RIC3: variants seen among roughly 807,000 people sequenced by gnomAD.
The protein encoded by RIC3 is protein RIC-3.
A neutral mutation model predicts 27.3 loss-of-function variants in RIC3; 28 were observed. The observed-to-expected ratio is 1.02, with a 90% CI of 0.76 to 1.41. The LOEUF (loss-of-function observed/expected upper bound fraction) is 1.41. Ranked by LOEUF, RIC3 falls within the 40% of genes most tolerant of loss-of-function variation. RIC3 has a pLI of 0.00. For missense variants in RIC3, 501 were observed against 444.7 expected, an observed-to-expected ratio of 1.13 and a Z score of -1.14; for synonymous variants, 184 against 160.4, an observed-to-expected ratio of 1.15 and a Z score of -1.11.
intron 4 of RIC3, among the ~76,000 whole-genome samples, chr11:8,128,875 C>T (rs1947326060): frequency 1.3e-5 from 2 of 151,638 alleles, no homozygotes; most frequent in African/African-American, 4.9e-5. Flanking sequence ...CTGCCTCAGC[C>T]TCCCGCATAG....
At position 8,106,119 on chromosome 11, in the gene RIC3, T is replaced by TATTTA. The variant is rs1944607228; in HGVS notation, c.*4574_*4578dup. 6.6e-6 allele frequency: 1 copy of TATTTA among 152,264 alleles called. No individual in the cohort carries two copies. Among genetic ancestry groups the TATTTA allele is most frequent in the South Asian group, 2.1e-4 (1 of 4,838 alleles). 9.4% of individuals were successfully genotyped at this position (152,264 alleles called of 1,614,324 possible). ...TTTGGTATTCTGGAGCAAATGTATT[T>TATTTA]ATTTATTGGTATGTGCAATGACAAA... is the stretch of plus-strand genomic sequence containing the variant. On this transcript the variant is annotated 3_prime_UTR_variant, in exon 6 of 6. Coordinates refer to ENST00000309737, the MANE Select transcript of RIC3 (RefSeq NM_001206671.4).
intron 1 of RIC3, among the ~76,000 whole-genome samples, chr11:8,149,556 G>A (rs183977213): frequency 2.6e-5 from 4 of 152,130 alleles, no homozygotes; most frequent in East Asian, 3.9e-4. Flanking sequence ...CTGGGAAAAC[G>A]TCAAAAAGGC....
At chr11:8,102,504 C>G (rs1037090456), downstream of RIC3, 1 of 152,256 alleles carries the variant, frequency 6.6e-6, no homozygotes, top group Non-Finnish European at 1.5e-5. Context: ...AAATGGGGTC[C>G]AGGTCACCAG....
At chr11:8,143,828 G>C (rs574221209) in intron 1 of RIC3, among the ~76,000 whole-genome samples, 5 of 152,252 alleles carry the variant, frequency 3.3e-5, no homozygotes, top group South Asian at 4.2e-4. Flanking sequence ...TACCAAAACA[G>C]AGATATAGAT....
chr11:8,098,909 A>T, the RIC3 span: 1 of 1,493,184 alleles, frequency 6.7e-7, no homozygotes, highest in Non-Finnish European at 9.3e-7. Flanking sequence ...CTGATTTCCA[A>T]GGTAGATATG....
At chr11:8,134,003 T>TA (rs1430871061) in intron 4 of RIC3, among the ~76,000 whole-genome samples, 1 of 151,626 alleles carries the variant, frequency 6.6e-6, no homozygotes, top group Non-Finnish European at 1.5e-5. Flanking sequence ...AATATATATA[T>TA]TTTTTATTAT....
chr11:8,137,302 G>A (rs1948534367), intron 4 of RIC3, 76 bp downstream of exon 4: 2 of 1,311,438 alleles, frequency 1.5e-6, no homozygotes, highest in Non-Finnish European at 2.2e-6. Context: ...GGGATTAGAG[G>A]CCTCGGCCAC....
rs1190733938 is a variant in RIC3 at position 8,109,562 on chromosome 11, CT to C, written c.*1135del. Reference sequence around the variant, plus strand: ...AGTATGGAACACATGGTCTCTACCCCTGGGCACTGCTATATTGGTTCTCTGC... The same window carrying C: ...AGTATGGAACACATGGTCTCTACCCCGGGCACTGCTATATTGGTTCTCTGC... On this transcript the variant is annotated 3_prime_UTR_variant, in exon 6 of 6. Transcript: ENST00000309737. The C allele has an allele frequency of 6.6e-6, 1 of 152,134 alleles. No individual in the cohort carries two copies. Among genetic ancestry groups the C allele is most frequent in the African/African-American group, 2.4e-5 (1 of 41,426 alleles). The allele number at this position is 152,134 out of a possible 1,614,324, so 9.4% of individuals were successfully genotyped here. A position where few individuals can be genotyped will look rare whatever the true frequency, so the allele number is the denominator to read the frequency against.
At chr11:8,168,789 G>A (rs1211198316) in intron 1 of RIC3, 77 bp downstream of exon 1, 4 of 1,537,912 alleles carry the variant, frequency 2.6e-6, no homozygotes, top group Non-Finnish European at 2.6e-6. Flanking sequence ...CAGACTCTCA[G>A]AGTCACCCCT....
downstream of RIC3, chr11:8,105,532 G>A (rs1944527407): frequency 6.6e-6 from 1 of 152,162 alleles, no homozygotes; most frequent in Non-Finnish European, 1.5e-5. Context: ...AGGCAAGTTG[G>A]TCTTATAGAA....
At chr11:8,144,619 T>C (rs1949471176) in intron 1 of RIC3, among the ~76,000 whole-genome samples, 1 of 152,060 alleles carries the variant, frequency 6.6e-6, no homozygotes, top group African/African-American at 2.4e-5. Flanking sequence ...GAAGTCAGTG[T>C]GGTGATTCCT....
intron 5 of RIC3, among the ~76,000 whole-genome samples, chr11:8,111,648 C>A (rs1945276258): frequency 1.3e-5 from 2 of 152,100 alleles, no homozygotes; most frequent in South Asian, 4.1e-4. Flanking sequence ...TTGCAAGTGT[C>A]AAAAATAGAG....
intron 5 of RIC3, among the ~76,000 whole-genome samples, chr11:8,114,321 CG>C (rs1945603437): frequency 6.6e-6 from 1 of 151,962 alleles, no homozygotes; most frequent in Non-Finnish European, 1.5e-5. Context: ...AATGAAGATA[CG>C]GCCGGGCGTG....
chr11:8,137,558 ACTGT>A (rs1323597833), intron 3 of RIC3, 87 bp from the exon 4 acceptor site: 12 of 921,370 alleles, frequency 1.3e-5, no homozygotes, highest in Admixed American at 1.3e-4. Context: ...AAGCTATTGT[ACTGT>A]CTAACTTCCC....
intron 4 of RIC3, among the ~76,000 whole-genome samples, chr11:8,127,804 G>A (rs950027450): frequency 6.6e-6 from 1 of 152,150 alleles, no homozygotes; most frequent in Non-Finnish European, 1.5e-5. Context: ...GGAGATGGTC[G>A]TCTATTTTTC....
rs112848789 is a variant in RIC3, at chr11:8,137,361, G to C, written c.521+17C>G. On this transcript the variant is annotated intron_variant, in intron 4 of 5. Transcript: ENST00000309737. ...CTAAATGAGAAATAGTCTGAGTCCC[G>C]TTACATGAAAACCTACCTCTCACCA... is the stretch of plus-strand genomic sequence containing the variant. 1.0e-5 allele frequency: 16 copies of C among 1,601,122 alleles called. No individual in the cohort carries two copies. Among genetic ancestry groups the C allele is most frequent in the Admixed American group, 3.3e-5 (2 of 59,910 alleles).
In RIC3 at chr11:8,169,010, G is replaced by A. The variant is rs1952034291; in HGVS notation, c.-21C>T. The A allele has an allele frequency of 6.5e-7, 1 of 1,548,886 alleles. No individual in the cohort carries two copies. The highest frequency in any genetic ancestry group is 8.7e-7 in the Non-Finnish European group (1 of 1,153,482). ...GCCATGACTGCTCACGGTGGTCGCA[G>A]GTGCAGACGCCAGCCGGAACCGGAA... On this transcript the variant is annotated 5_prime_UTR_variant, in exon 1 of 6. Transcript: ENST00000309737.
Position 8,141,283 on chromosome 11 carries a change from C to T in RIC3, c.125-1090G>A, listed in dbSNP as rs570288370. Among the ~76,000 whole-genome samples, 161 of 151,838 alleles carry T rather than the reference C, an allele frequency of 1.1e-3. No individual in the cohort carries two copies. The Middle Eastern group carries it at 0.028, about 26-fold the overall frequency. ...CAACAGTGTGCTGTATTCAGGAAAC[C>T]CATCTCACGTGCAGAGACACACATA... On this transcript the variant is annotated intron_variant, in intron 1 of 5. Transcript: ENST00000309737.
intron 2 of RIC3, 40 bp downstream of exon 2, chr11:8,139,927 A>G (rs1351364096): frequency 6.5e-7 from 1 of 1,534,012 alleles, no homozygotes; most frequent in East Asian, 2.3e-5. Context: ...GCCATATTAG[A>G]TTTTCATTGA....
Sources: gnomAD v4.1 joint callset for allele counts (sites outside exome capture counted in the v4.1 genomes callset) on GRCh38, gnomAD v4.1.1 for gene constraint, MANE v1.5 for transcripts, NCBI Gene and HGNC (gene_info 2026-07-23, HGNC 2026-07-21) for gene names.